The following SYAP1 variants were observed in gnomAD, a reference collection of about 807,000 sequenced individuals.
SYAP1 encodes the protein synapse-associated protein 1.
Under a neutral mutation model 29.6 loss-of-function variants are expected in SYAP1, and 3 were observed. That is an observed-to-expected ratio of 0.10 (90% CI 0.05 to 0.26). The LOEUF (loss-of-function observed/expected upper bound fraction) is 0.26, where lower values mean the gene tolerates loss of function less well. Ranked by LOEUF, SYAP1 falls within the 10% of genes least tolerant of loss-of-function variation. The pLI, the probability that SYAP1 is intolerant of heterozygous loss-of-function variation, is 1.00. For missense variants in SYAP1, 217 were observed against 264.1 expected (o/e 0.82, Z 1.24); for synonymous variants, 102 against 102.7 (o/e 0.99, Z 0.04).
chrX:16,750,655 C>T (rs964517884), intron 5 of SYAP1, among the ~76,000 whole-genome samples: 1 of 110,848 alleles, frequency 9.0e-6, no homozygotes, highest in Non-Finnish European at 1.9e-5. Flanking sequence ...GCTTCCAGGC[C>T]TAGCTTCTCC....
intron 1 of SYAP1, among the ~76,000 whole-genome samples, chrX:16,732,707 A>T (rs780571848): frequency 9.0e-6 from 1 of 111,349 alleles, no homozygotes; most frequent in Non-Finnish European, 1.9e-5. Context: ...TTATCATACC[A>T]CTCTGTACAA....
chrX:16,758,947 G>A (rs1444558632), intron 8 of SYAP1, among the ~76,000 whole-genome samples: 3 of 108,376 alleles, frequency 2.8e-5, no homozygotes, highest in Non-Finnish European at 5.7e-5. Context: ...ACTTTGGGAG[G>A]CTGAGGCGGG....
Position 16,760,411 on chromosome X carries a change from A to T in SYAP1, c.*52A>T. ...TTAACAGTCTGCAAACTGACATTAA[A>T]TTCTAGATGTTGACAATTACTGAAT... On this transcript the variant is annotated 3_prime_UTR_variant, in exon 9 of 9. Coordinates refer to ENST00000380155, the MANE Select transcript of SYAP1 (RefSeq NM_032796.4). 1 of 1,040,822 alleles carries T rather than the reference A, an allele frequency of 9.6e-7. No homozygotes were observed. The allele number at this position is 1,040,822 out of a possible 1,213,427, so 85.8% of individuals were successfully genotyped here. A position where few individuals can be genotyped will look rare whatever the true frequency, so the allele number is the denominator to read the frequency against.
At chrX:16,727,702 C>G (rs1926112069) in intron 1 of SYAP1, among the ~76,000 whole-genome samples, 1 of 110,469 alleles carries the variant, frequency 9.1e-6, no homozygotes, top group Non-Finnish European at 1.9e-5. Flanking sequence ...ATACCTATGA[C>G]TTGGGTGAAT....
chrX:16,747,021 G>C (rs1302716436), intron 5 of SYAP1, among the ~76,000 whole-genome samples: 1 of 112,084 alleles, frequency 8.9e-6, no homozygotes, highest in Non-Finnish European at 1.9e-5. Flanking sequence ...TGGCACAGTA[G>C]CTTACTGTAG....
chrX:16,749,806 C>T (rs1489269140), intron 5 of SYAP1, among the ~76,000 whole-genome samples: 4 of 106,971 alleles, frequency 3.7e-5, no homozygotes, highest in Admixed American at 2.1e-4. Flanking sequence ...CCCAGCTACT[C>T]GGGAGGCTGA....
At chrX:16,746,993 A>G (rs1272131482) in intron 5 of SYAP1, among the ~76,000 whole-genome samples, 3 of 112,317 alleles carry the variant, frequency 2.7e-5, no homozygotes. Flanking sequence ...TTTTAGAGAC[A>G]GGATCTCTGG....
At chrX:16,759,726 C>G (rs1201822952) in intron 8 of SYAP1, among the ~76,000 whole-genome samples, 1 of 112,041 alleles carries the variant, frequency 8.9e-6, no homozygotes, top group African/African-American at 3.2e-5. Context: ...TTAACCTCTC[C>G]TAAGTCTCCA....
intron 5 of SYAP1, among the ~76,000 whole-genome samples, chrX:16,753,734 A>G (rs1367763452): frequency 9.0e-6 from 1 of 111,330 alleles, no homozygotes; most frequent in Admixed American, 9.6e-5. Context: ...TGGAATGAAA[A>G]CCATGTGTTC....
At position 16,762,953 on chromosome X, in the gene SYAP1, TCTC is replaced by T. The variant is rs1227290242; in HGVS notation, c.*2598_*2600del. On this transcript the variant is annotated 3_prime_UTR_variant, in exon 9 of 9. Transcript: ENST00000380155. ...GTTTTTCTAGTTGGCATTACAGGTG[TCTC>T]CTCTGAGGTTCCAGTTATTTCTATA... 6 of 111,578 alleles carry T rather than the reference TCTC, an allele frequency of 5.4e-5. No individual in the cohort carries two copies. The Admixed American group carries it at 5.8e-4, about 11-fold the overall frequency. 9.2% of individuals were successfully genotyped at this position (111,578 alleles called of 1,213,427 possible).
At chrX:16,732,984 G>A (rs963187048) in intron 1 of SYAP1, among the ~76,000 whole-genome samples, 3 of 111,885 alleles carry the variant, frequency 2.7e-5, no homozygotes, top group South Asian at 3.7e-4. Flanking sequence ...CAGGATGTGC[G>A]GAGGGAACAC....
chrX:16,743,116 T>C (rs1926510513), intron 4 of SYAP1, among the ~76,000 whole-genome samples: 1 of 106,039 alleles, frequency 9.4e-6, no homozygotes, highest in Non-Finnish European at 1.9e-5. Flanking sequence ...TCACTTGAGG[T>C]CAGGAGTTCG....
At chrX:16,758,043 A>C (rs993511000) in intron 8 of SYAP1, among the ~76,000 whole-genome samples, 2 of 111,369 alleles carry the variant, frequency 1.8e-5, no homozygotes, top group African/African-American at 6.5e-5. Flanking sequence ...GGCTGCTTTT[A>C]AAAACCAGTT....
intron 5 of SYAP1, among the ~76,000 whole-genome samples, chrX:16,747,864 C>T (rs1348346887): frequency 7.2e-5 from 8 of 111,688 alleles, no homozygotes; most frequent in African/African-American, 2.3e-4. Context: ...GGGCGGATCA[C>T]CTGAGGTCAG....
chrX:16,742,143 G>GTTTTTTTTTTTTTTTTTTT lies in SYAP1; in HGVS notation c.435+362_435+380dup, dbSNP rs144175479. ...ACCATGCCCAGCTAATTTTTGTGTG[G>GTTTTTTTTTTTTTTTTTTT]TTTTTTTTTTTTTTTTTTTTTTTTT... On this transcript the variant is annotated intron_variant, in intron 4 of 8. Transcript: ENST00000380155. Among the ~76,000 whole-genome samples the GTTTTTTTTTTTTTTTTTTT allele has an allele frequency of 3.1e-4, 13 of 41,863 alleles. 1 individual carries two copies. Among genetic ancestry groups the GTTTTTTTTTTTTTTTTTTT allele is most frequent in the African/African-American group, 1.7e-3 (13 of 7,531 alleles). 36.4% of individuals were successfully genotyped at this position (41,863 alleles called of 115,157 possible). A position where few individuals can be genotyped will look rare whatever the true frequency, so the allele number is the denominator to read the frequency against.
chrX:16,729,127 A>G (rs188762015), intron 1 of SYAP1, among the ~76,000 whole-genome samples: 57 of 111,315 alleles, frequency 5.1e-4, no homozygotes, highest in Admixed American at 3.6e-3. Flanking sequence ...TATAATTATT[A>G]CTGATAACGT....
At chrX:16,753,762 C>T (rs758276983) in intron 5 of SYAP1, among the ~76,000 whole-genome samples, 1 of 111,698 alleles carries the variant, frequency 9.0e-6, no homozygotes, top group Non-Finnish European at 1.9e-5. Context: ...TACCTCATGA[C>T]GGAGGTCATT....
intron 5 of SYAP1, 106 bp downstream of exon 5, chrX:16,743,946 C>A: frequency 1.1e-6 from 1 of 916,346 alleles, no homozygotes; most frequent in Non-Finnish European, 1.5e-6. Flanking sequence ...TTCATAAAAG[C>A]AGGCCCCGCA....
At chrX:16,731,077 C>G (rs747755438) in intron 1 of SYAP1, among the ~76,000 whole-genome samples, 1 of 111,936 alleles carries the variant, frequency 8.9e-6, no homozygotes, top group African/African-American at 3.2e-5. Flanking sequence ...TTATATCTCT[C>G]TTATTTCCTG....
Sources: gnomAD v4.1 joint callset for allele counts (sites outside exome capture counted in the v4.1 genomes callset) on GRCh38, gnomAD v4.1.1 for gene constraint, MANE v1.5 for transcripts, NCBI Gene and HGNC (gene_info 2026-07-23, HGNC 2026-07-21) for gene names.